The following FGFR1 variants were observed in gnomAD, a reference collection of about 807,000 sequenced individuals.
FGFR1 encodes the protein fibroblast growth factor receptor 1, also known as FGFR1/PLAG1 fusion.
In FGFR1, 18 loss-of-function variants were observed where a neutral mutation model predicts 93.7. That is an observed-to-expected ratio of 0.19 (90% CI 0.13 to 0.28). FGFR1 has a LOEUF of 0.28. Among genes scored for constraint, FGFR1 ranks in the 10% least tolerant of loss-of-function variants. FGFR1 has a pLI of 1.00. For synonymous variants in FGFR1, 448 were observed against 429.3 expected, an observed-to-expected ratio of 1.04 and a Z score of -0.54; for missense variants, 731 against 1,080.4, an observed-to-expected ratio of 0.68 and a Z score of 4.53.
intron 2 of FGFR1, among the ~76,000 whole-genome samples, chr8:38,439,132 C>T (rs1165070466): frequency 6.6e-6 from 1 of 152,162 alleles, no homozygotes. Context: ...TGTGTTCCTT[C>T]CCATTTAAAC....
intron 2 of FGFR1, among the ~76,000 whole-genome samples, chr8:38,443,617 G>A (rs1586593375): frequency 1.3e-5 from 2 of 152,198 alleles, no homozygotes; most frequent in South Asian, 2.1e-4. Flanking sequence ...AGGCTGCAGT[G>A]AGCTGAGATA....
intron 7 of FGFR1, chr8:38,423,327 T>TC: frequency 1.6e-6 from 1 of 607,182 alleles, no homozygotes. Flanking sequence ...TTTTTTTTTT[T>TC]TTTTTTTTAA....
At chr8:38,466,454 G>C (rs1835524820) in intron 1 of FGFR1, 1 of 231,722 alleles carries the variant, frequency 4.3e-6, no homozygotes, top group South Asian at 1.8e-4. Context: ...AACCGTTCGC[G>C]AGTGGCACCC....
At chr8:38,461,185 T>C in intron 1 of FGFR1, 1 of 1,508,154 alleles carries the variant, frequency 6.6e-7, no homozygotes. Flanking sequence ...TGATCCAACA[T>C]ACAGGGTGGA....
At chr8:38,455,133 A>C (rs1313314089) in intron 2 of FGFR1, among the ~76,000 whole-genome samples, 1 of 151,626 alleles carries the variant, frequency 6.6e-6, no homozygotes, top group Non-Finnish European at 1.5e-5. Flanking sequence ...GTGCCACCAC[A>C]CCTGGCTAAT....
At chr8:38,464,694 A>G (rs1186043043) in intron 1 of FGFR1, among the ~76,000 whole-genome samples, 1 of 152,208 alleles carries the variant, frequency 6.6e-6, no homozygotes, top group Non-Finnish European at 1.5e-5. Flanking sequence ...GGGAAGACAA[A>G]TGTAAGACAC....
intron 2 of FGFR1, among the ~76,000 whole-genome samples, chr8:38,432,905 C>G (rs957221784): frequency 8.2e-5 from 10 of 122,128 alleles, no homozygotes; most frequent in African/African-American, 2.9e-4. Flanking sequence ...CCCTCCCCAC[C>G]GCGCCCCCCC....
intron 2 of FGFR1, among the ~76,000 whole-genome samples, chr8:38,456,937 A>G (rs543669121): frequency 2.8e-4 from 42 of 150,832 alleles, no homozygotes; most frequent in African/African-American, 1.0e-3. Flanking sequence ...CTCCTACAAC[A>G]TCCCCTGTAG....
chr8:38,437,790 G>A (rs1243466928), intron 2 of FGFR1, among the ~76,000 whole-genome samples: 2 of 152,186 alleles, frequency 1.3e-5, no homozygotes, highest in Non-Finnish European at 2.9e-5. Flanking sequence ...CCTCTCTGCA[G>A]AGACTATGAA....
At chr8:38,444,556 A>ATT (rs562700623) in intron 2 of FGFR1, among the ~76,000 whole-genome samples, 10 of 129,232 alleles carry the variant, frequency 7.7e-5, no homozygotes, top group African/African-American at 1.4e-4. Context: ...GCGTGGCTAA[A>ATT]TTTTTTTTTT....
At position 38,417,783 on chromosome 8, in the gene FGFR1, C is replaced by G. The variant is rs1466941228; in HGVS notation, c.1552+87G>C. 16 of 1,600,756 alleles carry G rather than the reference C, an allele frequency of 1.0e-5. No homozygotes were observed. In the East Asian group the frequency reaches 3.6e-4, roughly 36 times the overall value. On this transcript the variant is annotated intron_variant, in intron 11 of 17. Transcript: ENST00000447712. Reference sequence around the variant, plus strand: ...GAGCAGGTGTGGGCAGCAAAGGCACCAGAGAAGCTGTTCTGCTGGGCCCGA... The same window carrying G: ...GAGCAGGTGTGGGCAGCAAAGGCACGAGAGAAGCTGTTCTGCTGGGCCCGA...
In FGFR1 at chr8:38,414,802, C is replaced by A. The variant is rs751038400; in HGVS notation, c.1954G>T (p.Asp652Tyr). 4 of 1,613,942 alleles carry A rather than the reference C, an allele frequency of 2.5e-6. No individual in the cohort carries two copies. In the South Asian group the frequency reaches 4.4e-5, roughly 18 times the overall value. Residue 652 changes from aspartate to tyrosine, a missense_variant, in exon 14 of 18, where the codon GAC becomes TAC. Asp to Tyr is a radical substitution (Grantham distance 160, BLOSUM62 -3). This residue lies in a region of FGFR1 where 44 missense variants were observed against 99.9 expected (regional missense o/e 0.44). Transcript: ENST00000447712. The part of the protein sequence containing the change: ...FGLARDIHHI[D>Y]YYKKTTNGRL... ...ACGTTGGTTGTCTTTTTATAGTAGTCGATGTGGTGAATGTCCCGTGCGAGG... is the reference window on the plus strand; with the variant it reads ...ACGTTGGTTGTCTTTTTATAGTAGTAGATGTGGTGAATGTCCCGTGCGAGG...
chr8:38,416,105 C>T (rs1251111152), intron 12 of FGFR1, 45 bp from the exon 13 acceptor site: 1 of 1,560,908 alleles, frequency 6.4e-7, no homozygotes, highest in Non-Finnish European at 8.7e-7. Flanking sequence ...AGCAGGTGAG[C>T]AGGTTTGGCT....
At chr8:38,440,162 G>A in intron 2 of FGFR1, 1 of 681,012 alleles carries the variant, frequency 1.5e-6, no homozygotes. Context: ...TAAATGAGGG[G>A]GCAATTGTGG....
intron 2 of FGFR1, among the ~76,000 whole-genome samples, chr8:38,453,104 C>T (rs1281155185): frequency 6.6e-6 from 1 of 152,214 alleles, no homozygotes; most frequent in Admixed American, 6.5e-5. Context: ...CCAGATCTCC[C>T]CTTAGAATGT....
chr8:38,457,286 A>C (rs1833099748), intron 2 of FGFR1, 70 bp downstream of exon 2: 1 of 1,552,632 alleles, frequency 6.4e-7, no homozygotes, highest in Admixed American at 1.7e-5. Flanking sequence ...CTGCAACCAT[A>C]TCACCTCCCT....
chr8:38,448,702 C>G (rs1333945552), intron 2 of FGFR1, among the ~76,000 whole-genome samples: 3 of 152,194 alleles, frequency 2.0e-5, no homozygotes, highest in Non-Finnish European at 4.4e-5. Context: ...CGCCTGTAAT[C>G]CCAGCACTTT....
chr8:38,456,557 C>T (rs1390748519), intron 2 of FGFR1, among the ~76,000 whole-genome samples: 2 of 152,124 alleles, frequency 1.3e-5, no homozygotes, highest in African/African-American at 2.4e-5. Context: ...AAAATGCAGG[C>T]GTGAAGCCAT....
intron 2 of FGFR1, among the ~76,000 whole-genome samples, chr8:38,445,239 C>T (rs1014688723): frequency 6.6e-6 from 1 of 152,154 alleles, no homozygotes; most frequent in Non-Finnish European, 1.5e-5. Flanking sequence ...AAAAACGATT[C>T]TGTGTTGGTC....
Sources: allele counts gnomAD v4.1 joint callset (sites outside exome capture counted in the v4.1 genomes callset), GRCh38; gene constraint gnomAD v4.1.1; regional missense constraint gnomAD v4.1.1; transcripts MANE v1.5; gene names NCBI Gene and HGNC (gene_info 2026-07-23, HGNC 2026-07-21).